Variants in GPCPD1 observed in about 807,000 individuals in gnomAD.
The protein encoded by GPCPD1 is glycerophosphocholine phosphodiesterase GPCPD1.
In GPCPD1, 29 loss-of-function variants were observed where a neutral mutation model predicts 89.2. The observed-to-expected ratio is 0.33, with a 90% CI of 0.24 to 0.44. The LOEUF (loss-of-function observed/expected upper bound fraction) is 0.44, where lower values mean the gene tolerates loss of function less well. Ranked by LOEUF, GPCPD1 falls within the 20% of genes least tolerant of loss-of-function variation. The pLI is 1.00. For synonymous variants in GPCPD1, 258 were observed against 266.3 expected, an observed-to-expected ratio of 0.97 and a Z score of 0.30; for missense variants, 594 against 808.9, an observed-to-expected ratio of 0.73 and a Z score of 3.22.
At chr20:5,574,164 GATATTT>G (rs1331398660) in intron 10 of GPCPD1, 195 bp from the exon 11 acceptor site, 5 of 574,908 alleles carry the variant, frequency 8.7e-6, no homozygotes, top group Non-Finnish European at 1.5e-5. Context: ...GACAATGATA[GATATTT>G]ACAAGCTGAA....
chr20:5,569,733 T>C (rs1191165881), intron 12 of GPCPD1, among the ~76,000 whole-genome samples: 1 of 152,192 alleles, frequency 6.6e-6, no homozygotes, highest in Non-Finnish European at 1.5e-5. Flanking sequence ...CCCTCCACCA[T>C]CTAACTCCAA....
intron 2 of GPCPD1, among the ~76,000 whole-genome samples, chr20:5,599,343 G>C (rs927360232): frequency 1.3e-5 from 2 of 151,864 alleles, no homozygotes; most frequent in African/African-American, 4.8e-5. Flanking sequence ...GCAGATGCCT[G>C]TAATCCCAGC....
At chr20:5,584,360 C>A (rs1978767666) in intron 5 of GPCPD1, 38 bp from the exon 6 acceptor site, 1 of 839,734 alleles carries the variant, frequency 1.2e-6, no homozygotes, top group South Asian at 1.4e-5. Flanking sequence ...AGTTAAAACT[C>A]TTGATGCATA....
chr20:5,602,098 G>C (rs1366090496), intron 2 of GPCPD1, among the ~76,000 whole-genome samples: 1 of 152,224 alleles, frequency 6.6e-6, no homozygotes, highest in Non-Finnish European at 1.5e-5. Context: ...ACATTTAGCA[G>C]AGGGTCCTTC....
At chr20:5,565,872 T>A (rs530027234) in intron 14 of GPCPD1, among the ~76,000 whole-genome samples, 2 of 152,212 alleles carry the variant, frequency 1.3e-5, no homozygotes, top group Admixed American at 6.5e-5. Context: ...AAAAAAAGAA[T>A]TATTTTCCAA....
At chr20:5,569,345 T>TA (rs1311643875) in intron 12 of GPCPD1, among the ~76,000 whole-genome samples, 1 of 152,214 alleles carries the variant, frequency 6.6e-6, no homozygotes, top group Non-Finnish European at 1.5e-5. Flanking sequence ...TGGAAATTAA[T>TA]ACCCAACACA....
intron 19 of GPCPD1, among the ~76,000 whole-genome samples, chr20:5,554,639 T>C (rs572494024): frequency 2.0e-3 from 303 of 152,312 alleles, no homozygotes; most frequent in Non-Finnish European, 3.5e-3. Context: ...TCATTGACAA[T>C]GCACCTGGTC....
chr20:5,567,332 T>C, intron 13 of GPCPD1, 151 bp downstream of exon 13: 2 of 937,684 alleles, frequency 2.1e-6, no homozygotes, highest in Admixed American at 6.6e-5. Context: ...TACAGAACCC[T>C]TCTCCCAAAC....
chr20:5,574,677 G>T (rs1978285552), intron 10 of GPCPD1, among the ~76,000 whole-genome samples: 1 of 152,172 alleles, frequency 6.6e-6, no homozygotes, highest in South Asian at 2.1e-4. Flanking sequence ...AATTAAGGCT[G>T]CAGTGAGCCA....
At chr20:5,574,814 T>G (rs963141885) in intron 10 of GPCPD1, among the ~76,000 whole-genome samples, 1 of 152,042 alleles carries the variant, frequency 6.6e-6, no homozygotes, top group Non-Finnish European at 1.5e-5. Context: ...ACCTTAAAAT[T>G]AAAAAATCCT....
chr20:5,549,264 GTGA>G (rs1447463642), intron 19 of GPCPD1: 1 of 837,116 alleles, frequency 1.2e-6, no homozygotes, highest in African/African-American at 1.7e-5. Flanking sequence ...TGATGACTCA[GTGA>G]TGATATATGT....
intron 8 of GPCPD1, 42 bp from the exon 9 acceptor site, chr20:5,576,020 C>A: frequency 4.7e-6 from 5 of 1,069,676 alleles, no homozygotes; most frequent in Non-Finnish European, 7.0e-6. Flanking sequence ...TTTTAAACTT[C>A]TACATTACAT....
At chr20:5,558,139 G>C (rs1183388862) in intron 18 of GPCPD1, 34 bp from the exon 19 acceptor site, 4 of 1,372,600 alleles carry the variant, frequency 2.9e-6, no homozygotes, top group Admixed American at 4.0e-5. Flanking sequence ...GCATGAAAAA[G>C]AAACATTAAC....
At chr20:5,568,114 C>A (rs750236720) in intron 12 of GPCPD1, among the ~76,000 whole-genome samples, 28 of 151,966 alleles carry the variant, frequency 1.8e-4, no homozygotes, top group Non-Finnish European at 3.7e-4. Context: ...ACAAGCAAAT[C>A]TGTTGTATTA....
chr20:5,565,149 T>A, intron 14 of GPCPD1, 71 bp from the exon 15 acceptor site: 1 of 804,760 alleles, frequency 1.2e-6, no homozygotes, highest in Admixed American at 1.9e-5. Flanking sequence ...CTTAAATCCT[T>A]AGTGCCAAAA....
At chr20:5,581,088 CAAACTCCT>C (rs1419679432) in intron 6 of GPCPD1, among the ~76,000 whole-genome samples, 1 of 151,948 alleles carries the variant, frequency 6.6e-6, no homozygotes, top group Non-Finnish European at 1.5e-5. Flanking sequence ...AAGCTGGTCT[CAAACTCCT>C]AAACTCCTGA....
At chr20:5,582,797 G>A (rs1325180598) in intron 6 of GPCPD1, among the ~76,000 whole-genome samples, 1 of 152,004 alleles carries the variant, frequency 6.6e-6, no homozygotes, top group African/African-American at 2.4e-5. Context: ...ACTGAGGCAG[G>A]AGAATTGCTT....
At position 5,544,569 on chromosome 20, in the gene GPCPD1, G is replaced by A. The variant is rs1445080799; in HGVS notation, c.*3092C>T. On this transcript the variant is annotated 3_prime_UTR_variant, in exon 20 of 20. Coordinates refer to ENST00000379019, the MANE Select transcript of GPCPD1 (RefSeq NM_019593.5). Reference sequence around the variant, plus strand: ...ACTGGAGAATATAACAGGCACATAAGAAGCTGGACTACAAGGAAGCATGAG... The same window carrying A: ...ACTGGAGAATATAACAGGCACATAAAAAGCTGGACTACAAGGAAGCATGAG... 1 of 152,218 alleles carries A rather than the reference G, an allele frequency of 6.6e-6. No homozygotes were observed. Among genetic ancestry groups the A allele is most frequent in the Non-Finnish European group, 1.5e-5 (1 of 68,050 alleles). The allele number at this position is 152,218 out of a possible 1,614,324, so 9.4% of individuals were successfully genotyped here.
chr20:5,567,282 T>C (rs545934923), intron 13 of GPCPD1, among the ~76,000 whole-genome samples: 5 of 151,808 alleles, frequency 3.3e-5, no homozygotes, highest in East Asian at 1.9e-4. Context: ...CAAAAACCAG[T>C]GGGGTCCATG....
Sources: allele counts gnomAD v4.1 joint callset (sites outside exome capture counted in the v4.1 genomes callset), GRCh38; gene constraint gnomAD v4.1.1; transcripts MANE v1.5; gene names NCBI Gene and HGNC (gene_info 2026-07-23, HGNC 2026-07-21).